AKR1D1: variants seen among roughly 807,000 people sequenced by gnomAD.
The protein encoded by AKR1D1 is delta(4)-3-ketosteroid 5-beta-reductase.
In AKR1D1, 32 loss-of-function variants were observed where a neutral mutation model predicts 42.6. The ratio of observed to expected loss-of-function variants is 0.75; its 90% confidence interval spans 0.57 to 1.01. The LOEUF (loss-of-function observed/expected upper bound fraction) is 1.01, where lower values mean the gene tolerates loss of function less well. AKR1D1 is among the 50% of genes least tolerant of loss of function. The pLI, the probability that AKR1D1 is intolerant of heterozygous loss-of-function variation, is 0.00. For synonymous variants in AKR1D1, 123 were observed against 135.5 expected (o/e 0.91, Z 0.64); for missense variants, 364 against 402.2 (o/e 0.91, Z 0.81).
At chr7:138,095,667 AG>A (rs1239364444) in intron 3 of AKR1D1, among the ~76,000 whole-genome samples, 3 of 152,182 alleles carry the variant, frequency 2.0e-5, no homozygotes, top group Admixed American at 1.3e-4. Flanking sequence ...CTGGGATTAC[AG>A]GCGCCCGCCA....
intron 3 of AKR1D1, among the ~76,000 whole-genome samples, chr7:138,093,744 A>G (rs1338425459): frequency 6.6e-6 from 1 of 152,246 alleles, no homozygotes; most frequent in East Asian, 1.9e-4. Context: ...AGTTGTATCC[A>G]TAGTAAAAAC....
chr7:138,084,996 C>G (rs1347458068), intron 1 of AKR1D1, among the ~76,000 whole-genome samples: 1 of 126,508 alleles, frequency 7.9e-6, no homozygotes, highest in East Asian at 2.5e-4. Context: ...GCAGAGGTAG[C>G]AGTGAGCTGA....
chr7:138,100,940 G>C (rs1794295507), intron 4 of AKR1D1, among the ~76,000 whole-genome samples: 1 of 151,924 alleles, frequency 6.6e-6, no homozygotes, highest in South Asian at 2.1e-4. Context: ...TCCTGACCTT[G>C]TGATCCACCC....
At chr7:138,090,279 A>G (rs915051050) in intron 2 of AKR1D1, among the ~76,000 whole-genome samples, 4 of 152,142 alleles carry the variant, frequency 2.6e-5, no homozygotes, top group African/African-American at 4.8e-5. Context: ...GAAAAAAATC[A>G]TTGTCCAACA....
chr7:138,094,611 G>C (rs1794149429), intron 3 of AKR1D1, among the ~76,000 whole-genome samples: 1 of 152,140 alleles, frequency 6.6e-6, no homozygotes, highest in South Asian at 2.1e-4. Flanking sequence ...GAGATCCTAG[G>C]CTCAAGCAAT....
intron 1 of AKR1D1, among the ~76,000 whole-genome samples, chr7:138,079,940 C>T (rs1803018405): frequency 6.6e-6 from 1 of 152,196 alleles, no homozygotes; most frequent in Non-Finnish European, 1.5e-5. Flanking sequence ...CCATAAACTC[C>T]ATGCCACATG....
At chr7:138,087,620 T>A (rs943763388) in intron 1 of AKR1D1, among the ~76,000 whole-genome samples, 1 of 152,160 alleles carries the variant, frequency 6.6e-6, no homozygotes, top group Non-Finnish European at 1.5e-5. Flanking sequence ...TGTGAGGCCA[T>A]CACCACAATC....
intron 3 of AKR1D1, among the ~76,000 whole-genome samples, chr7:138,092,154 A>T (rs113117305): frequency 1.5e-4 from 23 of 152,352 alleles, no homozygotes; most frequent in African/African-American, 5.5e-4. Flanking sequence ...CGAGAAGATT[A>T]TGTTAGCAGA....
intron 1 of AKR1D1, among the ~76,000 whole-genome samples, chr7:138,080,136 C>T (rs1338620962): frequency 6.6e-6 from 1 of 152,200 alleles, no homozygotes; most frequent in Non-Finnish European, 1.5e-5. Context: ...CTGAGGGCGC[C>T]TTTTGGGTAC....
At chr7:138,102,305 A>G (rs989795935) in intron 4 of AKR1D1, among the ~76,000 whole-genome samples, 2 of 57,218 alleles carry the variant, frequency 3.5e-5, no homozygotes, top group Admixed American at 2.5e-4. Flanking sequence ...ACAGTGGCTC[A>G]TACCTATAAC....
intron 5 of AKR1D1, among the ~76,000 whole-genome samples, chr7:138,105,821 G>T (rs1383622337): frequency 6.6e-6 from 1 of 152,034 alleles, no homozygotes. Flanking sequence ...GGAGGTGGAG[G>T]TTGCAGTGAG....
At position 138,116,678 on chromosome 7, in the gene AKR1D1, G is replaced by A; in HGVS notation, c.*16G>A. ...TGAATACTGACTGCAGGGAGTTCCT[G>A]AACAGATTTTTCACTCCCACGAGTG... is the stretch of plus-strand genomic sequence containing the variant. On this transcript the variant is annotated 3_prime_UTR_variant, in exon 9 of 9. Transcript: ENST00000242375. The A allele has an allele frequency of 6.2e-7, 1 of 1,613,892 alleles. No individual in the cohort carries two copies. Among genetic ancestry groups the A allele is most frequent in the Non-Finnish European group, 8.5e-7 (1 of 1,179,852 alleles).
chr7:138,104,273 T>G (rs1174734287), intron 4 of AKR1D1, among the ~76,000 whole-genome samples: 2 of 152,192 alleles, frequency 1.3e-5, no homozygotes, highest in African/African-American at 4.8e-5. Flanking sequence ...CAAGAAGAGC[T>G]AGACCTAATT....
chr7:138,088,917 T>C (rs1039487345), intron 2 of AKR1D1, 149 bp downstream of exon 2: 3 of 901,530 alleles, frequency 3.3e-6, no homozygotes, highest in African/African-American at 3.5e-5. Context: ...TTTGTTTGTT[T>C]GTTTGAAAGA....
chr7:138,110,174 T>C (rs1794510791), intron 7 of AKR1D1, among the ~76,000 whole-genome samples: 1 of 151,984 alleles, frequency 6.6e-6, no homozygotes, highest in African/African-American at 2.4e-5. Context: ...TATGCTCTCT[T>C]AGAATGAAGG....
intron 1 of AKR1D1, 74 bp downstream of exon 1, chr7:138,076,685 T>G: frequency 2.4e-6 from 3 of 1,258,416 alleles, no homozygotes; most frequent in Non-Finnish European, 3.5e-6. Flanking sequence ...ATCTGCAATT[T>G]ATTTTAAGCA....
intron 7 of AKR1D1, 132 bp downstream of exon 7, chr7:138,107,712 G>A: frequency 1.1e-6 from 1 of 923,928 alleles, no homozygotes; most frequent in Non-Finnish European, 1.7e-6. Flanking sequence ...CTTGACCCAT[G>A]TAGCCCATAT....
intron 1 of AKR1D1, among the ~76,000 whole-genome samples, chr7:138,078,768 A>G (rs756226330): frequency 2.0e-5 from 3 of 152,190 alleles, no homozygotes; most frequent in African/African-American, 7.2e-5. Context: ...AGGTGGGGGA[A>G]TATTCCTTCC....
Position 138,107,592 on chromosome 7 carries a change from G to A in AKR1D1, c.855+12G>A. 1.9e-6 allele frequency: 3 copies of A among 1,612,962 alleles called. No homozygotes were observed. The highest frequency in any genetic ancestry group is 1.7e-6 in the Non-Finnish European group (2 of 1,179,822). ...AAGAAAATTTTCAGGTAAGAGAATT[G>A]CTTTTGGAGATGTGAAAAGATGGGT... On this transcript the variant is annotated intron_variant, in intron 7 of 8. Coordinates refer to ENST00000242375, the MANE Select transcript of AKR1D1 (RefSeq NM_005989.4).
Sources: gnomAD v4.1 joint callset for allele counts (sites outside exome capture counted in the v4.1 genomes callset) on GRCh38, gnomAD v4.1.1 for gene constraint, MANE v1.5 for transcripts, NCBI Gene and HGNC (gene_info 2026-07-23, HGNC 2026-07-21) for gene names.